The following ANK2 variants were observed in gnomAD, a reference collection of about 807,000 sequenced individuals.
ANK2 encodes ankyrin 2.
In ANK2, 83 loss-of-function variants were observed where a neutral mutation model predicts 360.5. The ratio of observed to expected loss-of-function variants is 0.23; its 90% CI spans 0.19 to 0.28. The LOEUF is 0.28. Ranked by LOEUF, ANK2 falls within the 10% of genes least tolerant of loss-of-function variation. The probability of loss-of-function intolerance (pLI) is 1.00; values close to 1 mark genes in which losing one functional copy is unlikely to be tolerated. For missense variants in ANK2, 4,201 were observed against 4,795.7 expected, an observed-to-expected ratio of 0.88 and a Z score of 3.66; for synonymous variants, 1,740 against 1,759.5, an observed-to-expected ratio of 0.99 and a Z score of 0.28.
chr4:113,226,236 G>GT (rs930773731), intron 4 of ANK2, among the ~76,000 whole-genome samples: 3 of 152,086 alleles, frequency 2.0e-5, no homozygotes, highest in African/African-American at 7.2e-5. Flanking sequence ...ATGTGTCTGT[G>GT]TCAAACCCCC....
In ANK2 at chr4:113,292,493, C is replaced by G; in HGVS notation, c.2355C>G (p.Ala785=). The G allele has an allele frequency of 6.2e-7, 1 of 1,610,878 alleles. No homozygotes were observed. Among genetic ancestry groups the G allele is most frequent in the East Asian group, 2.2e-5 (1 of 44,734 alleles). The change falls in exon 21 of 46, where the codon GCC becomes GCG. Residue 785 remains alanine, a synonymous_variant. Transcript: ENST00000357077. ...HIINVLLQHG[A]KPNATTANGN... is the part of the protein sequence containing the mutation. ...TCAACGTCCTGCTCCAGCATGGGGC[C>G]AAGCCCAACGCCACCACTGCGGTAA... is the stretch of plus-strand genomic sequence containing the variant.
chr4:113,179,610 A>G (rs969866550), intron 2 of ANK2, among the ~76,000 whole-genome samples: 16 of 152,212 alleles, frequency 1.1e-4, no homozygotes, highest in Non-Finnish European at 4.4e-5. Context: ...AGATTACACC[A>G]GTCATCTTTT....
chr4:113,323,923 A>G, intron 26 of ANK2: 3 of 734,770 alleles, frequency 4.1e-6, no homozygotes, highest in Non-Finnish European at 6.2e-6. Flanking sequence ...AGATAGAAAG[A>G]TTGATGTTCT....
chr4:112,904,205 A>G (rs1039793547), intron 1 of ANK2, among the ~76,000 whole-genome samples: 2 of 152,234 alleles, frequency 1.3e-5, no homozygotes, highest in South Asian at 4.1e-4. Context: ...TTAAAAATCT[A>G]TTTCTCTTAC....
the ANK2 span, among the ~76,000 whole-genome samples, chr4:112,730,451 C>G: frequency 3.3e-3 from 500 of 149,740 alleles, 2 homozygotes; most frequent in African/African-American, 0.012. Context: ...GCCTGGCCAA[C>G]ATGGTGAAAC....
intron 1 of ANK2, among the ~76,000 whole-genome samples, chr4:113,116,401 T>A (rs943163339): frequency 6.6e-6 from 1 of 152,124 alleles, no homozygotes; most frequent in Non-Finnish European, 1.5e-5. Flanking sequence ...TATTGTTTGT[T>A]CACTGACAGC....
intron 2 of ANK2, among the ~76,000 whole-genome samples, chr4:113,041,475 C>T (rs2062935553): frequency 6.6e-6 from 1 of 152,114 alleles, no homozygotes; most frequent in African/African-American, 2.4e-5. Flanking sequence ...CTTGCCTAGG[C>T]ATAAGACTGG....
chr4:112,832,967 T>C (rs1257871490), intron 1 of ANK2, among the ~76,000 whole-genome samples: 1 of 152,220 alleles, frequency 6.6e-6, no homozygotes, highest in Non-Finnish European at 1.5e-5. Context: ...GTAGGTAGCA[T>C]ACTATATGTT....
chr4:112,938,374 T>C (rs2093931053), intron 2 of ANK2, among the ~76,000 whole-genome samples: 1 of 152,210 alleles, frequency 6.6e-6, no homozygotes, highest in South Asian at 2.1e-4. Context: ...ACTATTTCTT[T>C]TCAGGAGTTC....
At chr4:113,170,605 A>C (rs1033471293) in intron 1 of ANK2, among the ~76,000 whole-genome samples, 1 of 152,142 alleles carries the variant, frequency 6.6e-6, no homozygotes, top group South Asian at 2.1e-4. Flanking sequence ...GAATTAAAAA[A>C]CTTGTAGCAA....
intron 31 of ANK2, among the ~76,000 whole-genome samples, chr4:113,338,611 A>G (rs1342533180): frequency 9.9e-5 from 13 of 131,856 alleles, no homozygotes; most frequent in African/African-American, 3.8e-4. Context: ...GTGCAGTGGC[A>G]CAATCTCGGC....
intron 1 of ANK2, among the ~76,000 whole-genome samples, chr4:113,094,722 T>C (rs968616184): frequency 1.1e-4 from 16 of 152,294 alleles, no homozygotes; most frequent in African/African-American, 3.4e-4. Context: ...GCAATCAAGA[T>C]AAAAAACACA....
the ANK2 span, among the ~76,000 whole-genome samples, chr4:112,784,015 A>G: frequency 6.6e-6 from 1 of 152,156 alleles, no homozygotes; most frequent in Non-Finnish European, 1.5e-5. Flanking sequence ...CAATAGTGAA[A>G]ATACATGAAC....
At chr4:112,886,300 C>A (rs1215832658) in intron 1 of ANK2, among the ~76,000 whole-genome samples, 1 of 152,062 alleles carries the variant, frequency 6.6e-6, no homozygotes, top group Non-Finnish European at 1.5e-5. Context: ...ACATTAGGTA[C>A]CTTAAGTGTT....
chr4:113,048,274 ATATTTTTTTTT>A (rs1251367717), upstream of ANK2, among the ~76,000 whole-genome samples: 11 of 41,726 alleles, frequency 2.6e-4, no homozygotes, highest in South Asian at 2.4e-3. Flanking sequence ...ATATATATAT[ATATTTTTTTTT>A]TTTTTTTTTT....
At chr4:113,249,496 T>A (rs1366421085) in intron 9 of ANK2, among the ~76,000 whole-genome samples, 2 of 152,198 alleles carry the variant, frequency 1.3e-5, no homozygotes, top group African/African-American at 2.4e-5. Context: ...CCATTGACCC[T>A]CTGTCCACAC....
intron 1 of ANK2, among the ~76,000 whole-genome samples, chr4:112,866,367 A>G (rs1277836624): frequency 6.6e-6 from 1 of 152,196 alleles, no homozygotes; most frequent in East Asian, 1.9e-4. Flanking sequence ...GGAAGGAACC[A>G]CTTATGTGAG....
At chr4:113,307,740 C>T (rs2077954238) in intron 23 of ANK2, among the ~76,000 whole-genome samples, 1 of 152,112 alleles carries the variant, frequency 6.6e-6, no homozygotes, top group Non-Finnish European at 1.5e-5. Flanking sequence ...CTATTGTCAC[C>T]CGTGTCCTAC....
the ANK2 span, among the ~76,000 whole-genome samples, chr4:112,804,620 AT>A: frequency 1.2e-4 from 19 of 152,210 alleles, no homozygotes; most frequent in African/African-American, 4.3e-4. Flanking sequence ...AAATTGTAAC[AT>A]GTGAGGTGGG....
Sources: allele counts gnomAD v4.1 joint callset (sites outside exome capture counted in the v4.1 genomes callset), GRCh38; gene constraint gnomAD v4.1.1; transcripts MANE v1.5; gene names NCBI Gene and HGNC (gene_info 2026-07-23, HGNC 2026-07-21).